The following SH3RF2 variants were observed in gnomAD, a reference collection of about 807,000 sequenced individuals.
SH3RF2 encodes E3 ubiquitin-protein ligase SH3RF2.
Under a neutral mutation model 59.0 loss-of-function variants are expected in SH3RF2, and 43 were observed. The observed-to-expected ratio is 0.73, with a 90% CI of 0.57 to 0.94. SH3RF2 has a LOEUF of 0.94. SH3RF2 is among the 40% of genes least tolerant of loss of function. The pLI is 0.00. For synonymous variants in SH3RF2, 391 were observed against 391.5 expected, an observed-to-expected ratio of 1.00 and a Z score of 0.01; for missense variants, 930 against 940.1, an observed-to-expected ratio of 0.99 and a Z score of 0.14.
chr5:145,983,219 G>T (rs1231843094), intron 2 of SH3RF2, among the ~76,000 whole-genome samples: 1 of 150,682 alleles, frequency 6.6e-6, no homozygotes, highest in East Asian at 1.9e-4. Context: ...TTATACCAGG[G>T]AAATTGGCAA....
At chr5:146,053,863 C>T (rs931682449) in intron 7 of SH3RF2, among the ~76,000 whole-genome samples, 1 of 152,212 alleles carries the variant, frequency 6.6e-6, no homozygotes, top group African/African-American at 2.4e-5. Context: ...TGTCAAGATC[C>T]AACTGTTCTC....
intron 5 of SH3RF2, among the ~76,000 whole-genome samples, chr5:146,019,626 G>A (rs1398322282): frequency 6.6e-6 from 1 of 151,872 alleles, no homozygotes; most frequent in African/African-American, 2.4e-5. Context: ...TTTTAGGATT[G>A]CTTCTGTGAA....
chr5:145,980,243 C>G (rs17104108), intron 2 of SH3RF2, among the ~76,000 whole-genome samples: 269 of 152,248 alleles, frequency 1.8e-3, no homozygotes, highest in African/African-American at 5.9e-3. Flanking sequence ...CCACACGTAA[C>G]GAGGCAGTTG....
At chr5:145,990,844 T>G (rs936760072) in intron 2 of SH3RF2, among the ~76,000 whole-genome samples, 1 of 152,216 alleles carries the variant, frequency 6.6e-6, no homozygotes, top group Non-Finnish European at 1.5e-5. Flanking sequence ...CCCCTGCATC[T>G]GTAGAGACAG....
At chr5:145,954,164 A>C (rs1758303779) in intron 2 of SH3RF2, among the ~76,000 whole-genome samples, 1 of 151,904 alleles carries the variant, frequency 6.6e-6, no homozygotes, top group Non-Finnish European at 1.5e-5. Flanking sequence ...ACTCATTTAC[A>C]CTCCCACCAA....
At position 145,982,242 on chromosome 5, in the gene SH3RF2, G is replaced by T. The variant is rs552883289; in HGVS notation, c.379-17816G>T. Among the ~76,000 whole-genome samples the T allele has an allele frequency of 3.9e-5, 6 of 152,306 alleles. No homozygotes were observed. The East Asian group carries it at 1.2e-3, about 29-fold the overall frequency. The stretch of plus-strand genomic sequence containing the variant: ...AAGGCTCAGTCCTGCAGTGATTATA[G>T]GACATGCTGGTTCCAGGATATTCAT... On this transcript the variant is annotated intron_variant, in intron 2 of 9. Transcript: ENST00000359120.
intron 2 of SH3RF2, among the ~76,000 whole-genome samples, chr5:145,939,912 T>C (rs1358472053): frequency 6.6e-6 from 1 of 152,154 alleles, no homozygotes; most frequent in Non-Finnish European, 1.5e-5. Flanking sequence ...GCAGTTCCCT[T>C]ATCAGCTTGG....
At chr5:146,024,062 A>G (rs950468139) in intron 5 of SH3RF2, among the ~76,000 whole-genome samples, 3 of 152,234 alleles carry the variant, frequency 2.0e-5, no homozygotes, top group Admixed American at 6.5e-5. Context: ...TAATGCTGCT[A>G]TGGAACATTT....
chr5:146,022,910 CACACACACACACA>C (rs1761385610), intron 5 of SH3RF2, among the ~76,000 whole-genome samples: 1 of 83,144 alleles, frequency 1.2e-5, no homozygotes, highest in Non-Finnish European at 2.7e-5. Flanking sequence ...CACACACACA[CACACACACACACA>C]ATTCCTTAAA....
intron 5 of SH3RF2, among the ~76,000 whole-genome samples, 156 bp downstream of exon 5, chr5:146,014,217 C>T (rs569637592): frequency 6.6e-6 from 1 of 152,294 alleles, no homozygotes; most frequent in African/African-American, 2.4e-5. Context: ...ATTGTATAAA[C>T]CTTTTATTTC....
At position 146,033,451 on chromosome 5, in the gene SH3RF2, C is replaced by CTT. The variant is rs558717056; in HGVS notation, c.1060-14286_1060-14285dup. ...AAAATCTATGAGCACTAGCCCTTAG[C>CTT]TTTTTTTTTTTTTTTTTTTTTTTTT... On this transcript the variant is annotated intron_variant, in intron 5 of 9. Transcript: ENST00000359120. Among the ~76,000 whole-genome samples, 105 of 71,848 alleles carry CTT rather than the reference C, an allele frequency of 1.5e-3. 22 individuals are homozygous for CTT. The highest frequency in any genetic ancestry group is 3.9e-3 in the South Asian group (7 of 1,784). 47.1% of individuals were successfully genotyped at this position (71,848 alleles called of 152,430 possible).
chr5:146,025,875 G>A (rs1761513298), intron 5 of SH3RF2, among the ~76,000 whole-genome samples: 1 of 152,194 alleles, frequency 6.6e-6, no homozygotes, highest in Admixed American at 6.5e-5. Context: ...ATAAGCCTCA[G>A]TGTACTCATC....
At chr5:146,074,036 CTTT>C (rs70998053) in intron 9 of SH3RF2, among the ~76,000 whole-genome samples, 2 of 117,230 alleles carry the variant, frequency 1.7e-5, no homozygotes, top group Non-Finnish European at 3.3e-5. Context: ...CATTAACACT[CTTT>C]TTTTTTTTTT....
chr5:146,042,595 C>G (rs1367051116), intron 5 of SH3RF2, among the ~76,000 whole-genome samples: 1 of 152,114 alleles, frequency 6.6e-6, no homozygotes, highest in Non-Finnish European at 1.5e-5. Context: ...CTCTGGACTC[C>G]TAAGAGGTAG....
chr5:145,956,159 A>G (rs73310168), intron 2 of SH3RF2, among the ~76,000 whole-genome samples: 11,805 of 152,240 alleles, frequency 0.078, 1,542 homozygotes, highest in African/African-American at 0.27. Context: ...TGGTCCTCGA[A>G]CCACGCCCAG....
chr5:146,010,406 G>A lies in SH3RF2; in HGVS notation c.745-3341G>A, dbSNP rs997136787. Among the ~76,000 whole-genome samples, 4 of 152,290 alleles carry A rather than the reference G, an allele frequency of 2.6e-5. No homozygotes were observed. In the South Asian group the frequency reaches 8.3e-4, roughly 32 times the overall value. On this transcript the variant is annotated intron_variant, in intron 4 of 9. Transcript: ENST00000359120. ...TGGTTATATACCCAGTAATGGGATG[G>A]CTGGGTCAAATGGTATTTCTAGTTC...
chr5:146,073,756 G>A (rs780474366), intron 9 of SH3RF2, among the ~76,000 whole-genome samples: 2 of 152,136 alleles, frequency 1.3e-5, no homozygotes, highest in Non-Finnish European at 2.9e-5. Flanking sequence ...ACACAGATAA[G>A]GTTCCTACCT....
At chr5:145,970,123 T>G (rs1045318595) in intron 2 of SH3RF2, among the ~76,000 whole-genome samples, 3 of 152,122 alleles carry the variant, frequency 2.0e-5, no homozygotes, top group Non-Finnish European at 2.9e-5. Context: ...ATTGTTCCAT[T>G]TTATTTTTTT....
chr5:145,993,738 T>C (rs1416169097), intron 2 of SH3RF2, among the ~76,000 whole-genome samples: 2 of 152,146 alleles, frequency 1.3e-5, no homozygotes, highest in African/African-American at 4.8e-5. Flanking sequence ...ATGAAACCAC[T>C]TTTTCCTCCT....
Sources: gnomAD v4.1 joint callset for allele counts (sites outside exome capture counted in the v4.1 genomes callset) on GRCh38, gnomAD v4.1.1 for gene constraint, MANE v1.5 for transcripts, NCBI Gene and HGNC (gene_info 2026-07-23, HGNC 2026-07-21) for gene names.